The following GSDMC variants were observed in gnomAD, a reference collection of about 807,000 sequenced individuals.
The protein encoded by GSDMC is gasdermin C, also known as gasdermin-C.
A neutral mutation model predicts 58.0 loss-of-function variants in GSDMC; 59 were observed. That is an observed-to-expected ratio of 1.02 (90% CI 0.82 to 1.26). The LOEUF (loss-of-function observed/expected upper bound fraction) is 1.26. GSDMC is among the 50% of genes most tolerant of loss of function. The probability of loss-of-function intolerance (pLI) is 0.00; values close to 1 mark genes in which losing one functional copy is unlikely to be tolerated. For missense variants in GSDMC, 659 were observed against 598.5 expected, an observed-to-expected ratio of 1.10 and a Z score of -1.06; for synonymous variants, 241 against 220.2, an observed-to-expected ratio of 1.09 and a Z score of -0.83.
the GSDMC span, among the ~76,000 whole-genome samples, chr8:129,733,704 A>T: frequency 1.3e-5 from 2 of 152,230 alleles, no homozygotes; most frequent in African/African-American, 2.4e-5. Context: ...TAAAACCACA[A>T]AGATGGAGAG....
chr8:129,760,448 T>A, intron 6 of GSDMC, 97 bp downstream of exon 6: 1 of 680,626 alleles, frequency 1.5e-6, no homozygotes, highest in Non-Finnish European at 2.6e-6. Context: ...ACACATTGCA[T>A]GCCTGTATCA....
At position 129,762,419 on chromosome 8, in the gene GSDMC, C is replaced by T. The variant is rs117942811; in HGVS notation, c.676+207G>A. On this transcript the variant is annotated intron_variant, in intron 5 of 13. Transcript: ENST00000276708. ...CCAGACTGTCTGTATCTGTCAATAG[C>T]AGCATTTCACCCAGGCCATGCTTGG... Among the ~76,000 whole-genome samples, 72 of 152,296 alleles carry T rather than the reference C, an allele frequency of 4.7e-4. No individual in the cohort carries two copies. The East Asian group carries it at 0.012, about 26-fold the overall frequency.
chr8:129,776,361 G>T, intron 2 of GSDMC, 76 bp from the exon 3 acceptor site: 3 of 1,180,856 alleles, frequency 2.5e-6, no homozygotes, highest in Non-Finnish European at 3.5e-6. Context: ...AAGAACAGCT[G>T]GTGTGCAAAA....
At chr8:129,732,440 A>T in the GSDMC span, among the ~76,000 whole-genome samples, 1 of 151,908 alleles carries the variant, frequency 6.6e-6, no homozygotes, top group Non-Finnish European at 1.5e-5. Flanking sequence ...AAAAAGAAAA[A>T]CTCCTACCCA....
intron 6 of GSDMC, among the ~76,000 whole-genome samples, chr8:129,758,123 T>C (rs1433232597): frequency 6.6e-6 from 1 of 152,236 alleles, no homozygotes; most frequent in Non-Finnish European, 1.5e-5. Context: ...AACCGTATGA[T>C]CATTTCAATT....
At chr8:129,767,231 G>A (rs2033892765) in intron 3 of GSDMC, among the ~76,000 whole-genome samples, 1 of 151,748 alleles carries the variant, frequency 6.6e-6, no homozygotes, top group Non-Finnish European at 1.5e-5. Flanking sequence ...GGCCCCAACT[G>A]ACCAAGGATC....
At chr8:129,781,954 G>C (rs2034428265) in intron 1 of GSDMC, among the ~76,000 whole-genome samples, 1 of 152,118 alleles carries the variant, frequency 6.6e-6, no homozygotes, top group African/African-American at 2.4e-5. Context: ...CTCAAGCGTA[G>C]ACCATATTTT....
At chr8:129,705,993 C>T in the GSDMC span, among the ~76,000 whole-genome samples, 3 of 151,732 alleles carry the variant, frequency 2.0e-5, no homozygotes, top group Non-Finnish European at 4.4e-5. Context: ...GAACAGTGAC[C>T]TGATATTGGA....
intron 3 of GSDMC, among the ~76,000 whole-genome samples, chr8:129,767,338 T>G (rs1237708746): frequency 6.6e-6 from 1 of 152,058 alleles, no homozygotes; most frequent in Non-Finnish European, 1.5e-5. Context: ...GAGCACAGCC[T>G]CTGGCCTGGC....
At chr8:129,776,891 G>C (rs1403006161) in intron 2 of GSDMC, among the ~76,000 whole-genome samples, 1 of 151,754 alleles carries the variant, frequency 6.6e-6, no homozygotes, top group African/African-American at 2.4e-5. Context: ...CTCCCGAGTA[G>C]CTGGGACTAC....
chr8:129,714,352 A>G, the GSDMC span, among the ~76,000 whole-genome samples: 1 of 152,372 alleles, frequency 6.6e-6, no homozygotes, highest in East Asian at 1.9e-4. Flanking sequence ...ATGAGTAAAA[A>G]GACAGAAATA....
In GSDMC at chr8:129,752,783, C is replaced by T. The variant is rs79763318; in HGVS notation, c.759G>A (p.Ala253=). 6,508 of 1,614,122 alleles carry T rather than the reference C, an allele frequency of 4.0e-3. 262 individuals carry two copies. In the African/African-American group the frequency reaches 0.077, roughly 19 times the overall value. The change falls in exon 7 of 14, where the codon GCG becomes GCA. Residue 253 remains alanine, a synonymous_variant. Transcript: ENST00000276708. Reference sequence around the variant, plus strand: ...ATGATGGTAGCAACCCCTCACTCCTCGCAGCACAGTAGCCTACCATTTCGG... The same window carrying T: ...ATGATGGTAGCAACCCCTCACTCCTTGCAGCACAGTAGCCTACCATTTCGG... The part of the protein sequence containing the change: ...EISEMVGYCA[A]RSEGLLPSFH...
At chr8:129,742,693 G>A in the GSDMC span, among the ~76,000 whole-genome samples, 4 of 152,160 alleles carry the variant, frequency 2.6e-5, no homozygotes, top group Non-Finnish European at 2.9e-5. Context: ...GTAATCTGGG[G>A]CAATCAGAGG....
chr8:129,778,210 A>G (rs890091332), intron 1 of GSDMC, among the ~76,000 whole-genome samples: 13 of 152,176 alleles, frequency 8.5e-5, no homozygotes, highest in African/African-American at 3.1e-4. Flanking sequence ...ATGTGGAGAA[A>G]AGAATTCCAG....
the GSDMC span, among the ~76,000 whole-genome samples, chr8:129,737,088 G>A: frequency 0.029 from 4,479 of 152,266 alleles, 98 homozygotes; most frequent in Middle Eastern, 0.061. Flanking sequence ...TACAAGGGAT[G>A]TGAAGGACCT....
At chr8:129,750,631 T>C in intron 10 of GSDMC, 61 bp from the exon 11 acceptor site, 1 of 1,537,338 alleles carries the variant, frequency 6.5e-7, no homozygotes. Context: ...AGAACATCCT[T>C]GGAATGACAG....
chr8:129,764,628 G>A (rs192302442), intron 4 of GSDMC, among the ~76,000 whole-genome samples: 9 of 152,312 alleles, frequency 5.9e-5, no homozygotes, highest in African/African-American at 1.9e-4. Flanking sequence ...ATGCAGAGGT[G>A]GGAAGGGATT....
the GSDMC span, chr8:129,707,282 T>C: frequency 1.3e-5 from 2 of 152,048 alleles, no homozygotes; most frequent in East Asian, 3.9e-4. Context: ...AATGCAAGGA[T>C]GGCTGCACAA....
Position 129,775,967 on chromosome 8 carries a change from A to C in GSDMC, c.404+135T>G, listed in dbSNP as rs1204747266. 5 of 659,776 alleles carry C rather than the reference A, an allele frequency of 7.6e-6. No individual in the cohort carries two copies. The Admixed American group carries it at 1.5e-4, about 20-fold the overall frequency. 40.9% of individuals were successfully genotyped at this position (659,776 alleles called of 1,614,324 possible). A position where few individuals can be genotyped will look rare whatever the true frequency, so the allele number is the denominator to read the frequency against. Reference sequence around the variant, plus strand: ...TAAAGGGAGGTATGAATACTCAAGAAGAGTAGCAAAATCTGGGCTGTCATC... The same window carrying C: ...TAAAGGGAGGTATGAATACTCAAGACGAGTAGCAAAATCTGGGCTGTCATC... On this transcript the variant is annotated intron_variant, in intron 3 of 13. Transcript: ENST00000276708.
Sources: allele counts gnomAD v4.1 joint callset (sites outside exome capture counted in the v4.1 genomes callset), GRCh38; gene constraint gnomAD v4.1.1; transcripts MANE v1.5; gene names NCBI Gene and HGNC (gene_info 2026-07-23, HGNC 2026-07-21).